CDC42BPG: variants seen among roughly 807,000 people sequenced by gnomAD.
CDC42BPG encodes CDC42 binding protein kinase gamma.
In CDC42BPG, 157 loss-of-function variants were observed where a neutral mutation model predicts 192.2. That is an observed-to-expected ratio of 0.82 (90% CI 0.72 to 0.93). The LOEUF (loss-of-function observed/expected upper bound fraction) is 0.93, where lower values mean the gene tolerates loss of function less well. CDC42BPG is among the 40% of genes least tolerant of loss of function. The pLI is 0.00. For missense variants in CDC42BPG, 1,992 were observed against 2,122.1 expected (o/e 0.94, Z 1.20); for synonymous variants, 981 against 918.5 (o/e 1.07, Z -1.23).
intron 23 of CDC42BPG, 99 bp downstream of exon 23, chr11:64,833,501 C>T (rs1942806979): frequency 1.6e-6 from 2 of 1,219,452 alleles, no homozygotes; most frequent in Admixed American, 2.3e-5. Context: ...CCCAATTGTG[C>T]CTGCTAGCCA....
chr11:64,838,230 C>A (rs1272433117), intron 8 of CDC42BPG, 68 bp from the exon 9 acceptor site: 3 of 1,307,780 alleles, frequency 2.3e-6, no homozygotes, highest in Non-Finnish European at 3.2e-6. Context: ...GCCCAGGAGC[C>A]CCCTGGGACC....
Position 64,840,661 on chromosome 11 carries a change from T to TG in CDC42BPG, c.337-14dup. On this transcript the variant is annotated splice_polypyrimidine_tract_variant and intron_variant, in intron 3 of 36. Coordinates refer to ENST00000342711, the MANE Select transcript of CDC42BPG (RefSeq NM_017525.3). ...GGAAACAGGCTGTCTGCAGCAGGTTTGGGGAAGTAAGGGGTGGGGTGGGAT... is the reference window on the plus strand; with the variant it reads ...GGAAACAGGCTGTCTGCAGCAGGTTTGGGGGAAGTAAGGGGTGGGGTGGGAT... The TG allele has an allele frequency of 6.2e-7, 1 of 1,613,278 alleles. No individual in the cohort carries two copies. The highest frequency in any genetic ancestry group is 8.5e-7 in the Non-Finnish European group (1 of 1,179,798).
rs1418497227 is a variant in CDC42BPG, at chr11:64,826,653, C to A, written c.4513+18G>T. On this transcript the variant is annotated intron_variant, in intron 35 of 36. Coordinates refer to ENST00000342711, the MANE Select transcript of CDC42BPG (RefSeq NM_017525.3). The stretch of plus-strand genomic sequence containing the variant: ...GGGGTGGGGGGTGGCACACTGGAGG[C>A]TGAGGGGCTGCCCTTACTGGGGTCT... 8.8e-6 allele frequency: 14 copies of A among 1,582,894 alleles called. No individual in the cohort carries two copies. The highest frequency in any genetic ancestry group is 1.2e-5 in the Non-Finnish European group (14 of 1,164,022).
rs746634700 is a variant in CDC42BPG, at chr11:64,840,600, G to A, written c.385C>T (p.Arg129Cys). 8.7e-6 allele frequency: 14 copies of A among 1,613,866 alleles called. No homozygotes were observed. In the East Asian group the frequency reaches 1.1e-4, roughly 13 times the overall value. The change falls in exon 4 of 37, where the codon CGT (arginine) becomes TGT (cysteine). Residue 129 changes from arginine to cysteine, a missense_variant. Arg to Cys is a radical substitution (Grantham distance 180). Coordinates refer to ENST00000342711, the MANE Select transcript of CDC42BPG (RefSeq NM_017525.3). ...ERDVLVKGDS[R>C]WVTTLHYAFQ... ...GCATAGTGCAGAGTGGTCACCCAAC[G>A]GCTGTCCCCTTTCACGAGCACATCC...
rs766279723 is a variant in CDC42BPG, at chr11:64,834,868, G to A, written c.2156C>T (p.Thr719Met). Residue 719 changes from threonine (T) to methionine (M), a missense_variant, in exon 18 of 37, where the codon ACG becomes ATG. Transcript: ENST00000342711. ...LESLRNVGTQ[T>M]LPARPLDHQW... ...GCTCACCAGTGGCCGGGCAGGGAGC[G>A]TCTGGGTGCCTACGTTCCTCAAGGA... 8 of 1,613,472 alleles carry A rather than the reference G, an allele frequency of 5.0e-6. No homozygotes were observed. The highest frequency in any genetic ancestry group is 3.3e-5 in the South Asian group (3 of 91,058).
At position 64,827,119 on chromosome 11, in the gene CDC42BPG, A is replaced by G; in HGVS notation, c.4320T>C (p.Pro1440=). 1.9e-6 allele frequency: 3 copies of G among 1,614,102 alleles called. No individual in the cohort carries two copies. The South Asian group carries it at 3.3e-5, about 18-fold the overall frequency. ...CGTGTACTAGGTGGTTGAAGTTGGTAGGCGGCGAGATGAGCTTGGAGCGCA... is the reference window on the plus strand; with the variant it reads ...CGTGTACTAGGTGGTTGAAGTTGGTGGGCGGCGAGATGAGCTTGGAGCGCA... The part of the protein sequence containing the change: ...PFVRSKLISP[P]TNFNHLVHVG... Residue 1440 remains proline (P), a synonymous_variant, in exon 34 of 37, where the codon CCT becomes CCC. Transcript: ENST00000342711.
intron 1 of CDC42BPG, among the ~76,000 whole-genome samples, chr11:64,842,945 C>T (rs1211386861): frequency 6.6e-6 from 1 of 152,110 alleles, no homozygotes; most frequent in Non-Finnish European, 1.5e-5. Flanking sequence ...GCAGCGGGGG[C>T]GGGGTGGAAA....
intron 9 of CDC42BPG, among the ~76,000 whole-genome samples, chr11:64,837,875 A>G (rs1943091006): frequency 1.3e-5 from 2 of 152,208 alleles, no homozygotes; most frequent in East Asian, 1.9e-4. Flanking sequence ...GGAAGGCGCC[A>G]TGAGAGCCAT....
At chr11:64,834,742 C>T (rs1345407380) in intron 18 of CDC42BPG, 107 bp downstream of exon 18, 8 of 1,342,786 alleles carry the variant, frequency 6.0e-6, no homozygotes, top group Non-Finnish European at 7.1e-6. Context: ...CTCTCATGAG[C>T]TTGGTGTCCC....
At position 64,835,098 on chromosome 11, in the gene CDC42BPG, C is replaced by T. The variant is rs780776639; in HGVS notation, c.2009G>A (p.Arg670Gln). The stretch of plus-strand genomic sequence containing the variant: ...CTCCCAGTTGCTCTCCGTCTCCCGC[C>T]GCTCACCCTCCAGCCGCTGCTTGCT... Reference protein sequence around the residue: ...QESKQRLEGERRETESNWEAQ... With the variant: ...QESKQRLEGEQRETESNWEAQ... Residue 670 changes from arginine (R) to glutamine (Q), a missense_variant, in exon 17 of 37, where the codon CGG becomes CAG. By Grantham distance (43) the Arg-to-Gln change is conservative (BLOSUM62 1). Around this residue, in one of 2 missense-constraint regions of CDC42BPG, gnomAD observed 1,656 missense variants for 1,844.3 expected, o/e 0.90. Coordinates refer to ENST00000342711, the MANE Select transcript of CDC42BPG (RefSeq NM_017525.3). 9.4e-6 allele frequency: 15 copies of T among 1,602,212 alleles called. No homozygotes were observed. The highest frequency in any genetic ancestry group is 8.9e-5 in the East Asian group (4 of 44,840).
Position 64,827,060 on chromosome 11 carries a change from T to C in CDC42BPG, c.4379A>G (p.Asp1460Gly). ...GPANGRPGAR[D>G]KSPAPEEKGR... Reference sequence around the variant, plus strand: ...CTCCAGAGGACTAACCGGGGACTTGTCCCTGGCGCCGGGCCGCCCGTTGGC... The same window carrying C: ...CTCCAGAGGACTAACCGGGGACTTGCCCCTGGCGCCGGGCCGCCCGTTGGC... Residue 1460 changes from aspartate (D) to glycine (G), a missense_variant, in exon 34 of 37, where the codon GAC (aspartate) becomes GGC (glycine). Around this residue, in one of 2 missense-constraint regions of CDC42BPG, gnomAD observed 336 missense variants for 277.9 expected, o/e 1.21. Coordinates refer to ENST00000342711, the MANE Select transcript of CDC42BPG (RefSeq NM_017525.3). The C allele has an allele frequency of 1.2e-6, 2 of 1,609,258 alleles. No homozygotes were observed. The highest frequency in any genetic ancestry group is 1.7e-6 in the Non-Finnish European group (2 of 1,175,942).
At chr11:64,831,990 C>G (rs151232447) in intron 27 of CDC42BPG, among the ~76,000 whole-genome samples, 3 of 152,224 alleles carry the variant, frequency 2.0e-5, no homozygotes, top group African/African-American at 7.2e-5. Flanking sequence ...TCTGCTGAAG[C>G]CTGAGGGACG....
At chr11:64,843,656 C>T (rs1943378586) in intron 1 of CDC42BPG, among the ~76,000 whole-genome samples, 3 of 152,200 alleles carry the variant, frequency 2.0e-5, no homozygotes, top group African/African-American at 7.2e-5. Flanking sequence ...GGCGCCAGTG[C>T]CCACAGTGGG....
chr11:64,840,019 C>T (rs577737988), intron 5 of CDC42BPG, 101 bp downstream of exon 5: 2 of 1,198,654 alleles, frequency 1.7e-6, no homozygotes, highest in African/African-American at 1.5e-5. Context: ...AAGTGCCTGG[C>T]ACATGATGAG....
intron 34 of CDC42BPG, 108 bp downstream of exon 34, chr11:64,826,942 G>A: frequency 8.7e-7 from 1 of 1,155,004 alleles, no homozygotes; most frequent in Non-Finnish European, 1.3e-6. Flanking sequence ...TGAGTCCCAG[G>A]CCTTAGGAGT....
rs138706676 is a variant in CDC42BPG at position 64,824,520 on chromosome 11, G to A, written c.4609C>T (p.Arg1537Trp). 89 of 1,606,532 alleles carry A rather than the reference G, an allele frequency of 5.5e-5. No individual in the cohort carries two copies. The highest frequency in any genetic ancestry group is 6.6e-5 in the Non-Finnish European group (77 of 1,173,512). ...GGGGATAGGGGGAGGCTTCGGGGCCGTTCTGAGACCTGCAGGAGAAAGAAA... is the reference window on the plus strand; with the variant it reads ...GGGGATAGGGGGAGGCTTCGGGGCCATTCTGAGACCTGCAGGAGAAAGAAA... ...PATSLMQVSE[R>W]PRSLPLSPEL... The change falls in exon 37 of 37, where the codon CGG (arginine) becomes TGG (tryptophan). Residue 1537 changes from arginine to tryptophan, a missense_variant. Physicochemically the swap from Arg to Trp is moderately radical, Grantham distance 101. Transcript: ENST00000342711.
chr11:64,827,367 G>C lies in CDC42BPG; in HGVS notation c.4182C>G (p.Thr1394=). 2.5e-6 allele frequency: 4 copies of C among 1,614,076 alleles called. No individual in the cohort carries two copies. The highest frequency in any genetic ancestry group is 2.5e-6 in the Non-Finnish European group (3 of 1,179,930). The stretch of plus-strand genomic sequence containing the variant: ...GGAACAGCTGGCGCCGGCTGTTGTC[G>C]GTGAGGTCCGGGATGTCGAACTCGT... The part of the protein sequence containing the change: ...EKDEFDIPDL[T]DNSRRQLFRT... Residue 1394 remains threonine (T), a synonymous_variant, in exon 33 of 37, where the codon ACC becomes ACG. Coordinates refer to ENST00000342711, the MANE Select transcript of CDC42BPG (RefSeq NM_017525.3).
intron 36 of CDC42BPG, among the ~76,000 whole-genome samples, chr11:64,824,758 T>C (rs1315092773): frequency 1.3e-5 from 2 of 152,040 alleles, no homozygotes; most frequent in African/African-American, 2.4e-5. Flanking sequence ...TTTTTCTTTT[T>C]TTCTGAGACA....
chr11:64,836,708 G>GGGGGT, intron 11 of CDC42BPG, 31 bp downstream of exon 11: 1 of 695,692 alleles, frequency 1.4e-6, no homozygotes, highest in Non-Finnish European at 2.1e-6. Context: ...CTCAGCCCTG[G>GGGGGT]GGGGGGGGGG....
Sources: allele counts gnomAD v4.1 joint callset (sites outside exome capture counted in the v4.1 genomes callset), GRCh38; gene constraint gnomAD v4.1.1; regional missense constraint gnomAD v4.1.1; transcripts MANE v1.5; gene names NCBI Gene and HGNC (gene_info 2026-07-23, HGNC 2026-07-21).